Variants in CYP46A1 observed in about 807,000 individuals in gnomAD.
The protein encoded by CYP46A1 is cytochrome P450 family 46 subfamily A member 1, also known as cholesterol 24-hydroxylase.
CYP46A1 carries 20 observed loss-of-function variants against 63.3 expected under a neutral mutation model. That is an observed-to-expected ratio of 0.32 (90% CI 0.22 to 0.46). The LOEUF (loss-of-function observed/expected upper bound fraction) is 0.46. Ranked by LOEUF, CYP46A1 falls within the 20% of genes least tolerant of loss-of-function variation. The pLI, the probability that CYP46A1 is intolerant of heterozygous loss-of-function variation, is 1.00. For synonymous variants in CYP46A1, 268 were observed against 273.6 expected (o/e 0.98, Z 0.20); for missense variants, 445 against 670.8 (o/e 0.66, Z 3.72).
In CYP46A1 at chr14:99,726,945, C is replaced by A; in HGVS notation, c.*218C>A. ...TTCCTGGACTGGCCCTTGCCCAACTCCCAGCCACCACCACTGTCCCTACCA... is the reference window on the plus strand; with the variant it reads ...TTCCTGGACTGGCCCTTGCCCAACTACCAGCCACCACCACTGTCCCTACCA... On this transcript the variant is annotated 3_prime_UTR_variant, in exon 15 of 15. Transcript: ENST00000261835. 1 of 433,852 alleles carries A rather than the reference C, an allele frequency of 2.3e-6. No homozygotes were observed. The highest frequency in any genetic ancestry group is 5.8e-4 in the Middle Eastern group (1 of 1,722). 26.9% of individuals were successfully genotyped at this position (433,852 alleles called of 1,614,324 possible).
intron 7 of CYP46A1, among the ~76,000 whole-genome samples, chr14:99,713,611 G>C (rs946210097): frequency 6.6e-6 from 1 of 151,836 alleles, no homozygotes; most frequent in Non-Finnish European, 1.5e-5. Context: ...AGGCATGGTG[G>C]CTCATGCCCG....
chr14:99,690,693 G>A (rs146396635), intron 1 of CYP46A1, among the ~76,000 whole-genome samples: 2 of 152,180 alleles, frequency 1.3e-5, no homozygotes, highest in African/African-American at 2.4e-5. Context: ...TATATAATAC[G>A]GTTAATAACA....
intron 7 of CYP46A1, chr14:99,708,851 T>C (rs1157849408): frequency 6.6e-6 from 1 of 152,278 alleles, no homozygotes; most frequent in East Asian, 1.9e-4. Flanking sequence ...CCAGTGATGC[T>C]CAAGGACTGG....
Position 99,684,593 on chromosome 14 carries a change from C to T in CYP46A1, c.119+57C>T. 3 of 1,378,050 alleles carry T rather than the reference C, an allele frequency of 2.2e-6. No homozygotes were observed. The East Asian group carries it at 8.2e-5, about 38-fold the overall frequency. 85.4% of individuals were successfully genotyped at this position (1,378,050 alleles called of 1,614,324 possible). ...GGTGCTGGGACTGGGGGCCTGGGGACAGCGTCTAAGCCGGCGTCCAGGCCG... is the reference window on the plus strand; with the variant it reads ...GGTGCTGGGACTGGGGGCCTGGGGATAGCGTCTAAGCCGGCGTCCAGGCCG... On this transcript the variant is annotated intron_variant, in intron 1 of 14. Coordinates refer to ENST00000261835, the MANE Select transcript of CYP46A1 (RefSeq NM_006668.2).
In CYP46A1 at chr14:99,715,868, G is replaced by A; in HGVS notation, c.752G>A (p.Arg251His). 1.2e-6 allele frequency: 2 copies of A among 1,614,054 alleles called. No homozygotes were observed. Among genetic ancestry groups the A allele is most frequent in the Non-Finnish European group, 1.7e-6 (2 of 1,180,006 alleles). The change falls in exon 8 of 15, where the codon CGC becomes CAC. Residue 251 changes from arginine (R) to histidine (H), a missense_variant. Arg to His is a conservative substitution (Grantham distance 29). Coordinates refer to ENST00000261835, the MANE Select transcript of CYP46A1 (RefSeq NM_006668.2). ...REVRESIRFL[R>H]QVGRDWVQRR... ...GTCCGGGAGAGCATTCGCTTCCTGC[G>A]CCAGGTGGGCAGGGACTGGGTCCAG...
At chr14:99,709,839 A>C (rs1361936817) in intron 7 of CYP46A1, 1 of 152,204 alleles carries the variant, frequency 6.6e-6, no homozygotes, top group African/African-American at 2.4e-5. Flanking sequence ...ACAGCAAGAG[A>C]GAAGCATGAA....
chr14:99,692,645 C>T (rs1006989463), intron 3 of CYP46A1, among the ~76,000 whole-genome samples: 38 of 152,110 alleles, frequency 2.5e-4, no homozygotes, highest in African/African-American at 7.7e-4. Context: ...GCCTGGCCAA[C>T]ATGGTGAAAC....
Position 99,723,000 on chromosome 14 carries a change from T to A in CYP46A1, c.1176+934T>A, listed in dbSNP as rs143553924. On this transcript the variant is annotated intron_variant, in intron 12 of 14. Coordinates refer to ENST00000261835, the MANE Select transcript of CYP46A1 (RefSeq NM_006668.2). The surrounding 1 kb of genome is among the most constrained non-coding windows in gnomAD (Gnocchi z 4.6). ...ACGCCACATTGTTTTCCAAAGTGGC[T>A]GCACCAACTTGGATGCCCAGTAGTG... 4.8e-6 allele frequency: 2 copies of A among 416,764 alleles called. No homozygotes were observed. The highest frequency in any genetic ancestry group is 3.4e-4 in the Middle Eastern group (1 of 2,938). 25.8% of individuals were successfully genotyped at this position (416,764 alleles called of 1,614,324 possible).
rs1296064266 is a variant in CYP46A1 at position 99,690,146 on chromosome 14, G to C, written c.120-935G>C. 2.0e-5 allele frequency among the ~76,000 whole-genome samples: 3 copies of C among 152,224 alleles called. No homozygotes were observed. The East Asian group carries it at 5.8e-4, about 29-fold the overall frequency. ...TCTCATCTCACAAGCCACCCTCTTA[G>C]AGGGACACTGCGTGCCCTGCCTGCA... On this transcript the variant is annotated intron_variant, in intron 1 of 14. Transcript: ENST00000261835.
At chr14:99,721,138 C>T (rs1443230187) in intron 10 of CYP46A1, 101 bp from the exon 11 acceptor site, 8 of 795,426 alleles carry the variant, frequency 1.0e-5, no homozygotes, top group East Asian at 7.4e-5. Flanking sequence ...GAGCCCCATG[C>T]GTCTCTCTTC....
intron 7 of CYP46A1, among the ~76,000 whole-genome samples, chr14:99,715,013 G>A (rs563771809): frequency 1.3e-5 from 2 of 152,234 alleles, no homozygotes; most frequent in Non-Finnish European, 2.9e-5. Context: ...GATGAGTGGG[G>A]GGATGAAGAG....
At chr14:99,717,494 C>T (rs1413188644) in intron 9 of CYP46A1, among the ~76,000 whole-genome samples, 1 of 152,120 alleles carries the variant, frequency 6.6e-6, no homozygotes, top group African/African-American at 2.4e-5. Context: ...CCCACCTCCA[C>T]ACCCTAGGAG....
At position 99,715,872 on chromosome 14, in the gene CYP46A1, G is replaced by T; in HGVS notation, c.756G>T (p.Gln252His). 1.2e-6 allele frequency: 2 copies of T among 1,614,122 alleles called. No homozygotes were observed. ...GGGAGAGCATTCGCTTCCTGCGCCAGGTGGGCAGGGACTGGGTCCAGCGCC... is the reference window on the plus strand; with the variant it reads ...GGGAGAGCATTCGCTTCCTGCGCCATGTGGGCAGGGACTGGGTCCAGCGCC... ...EVRESIRFLR[Q>H]VGRDWVQRRR... The change falls in exon 8 of 15, where the codon CAG (glutamine) becomes CAT (histidine). Residue 252 changes from glutamine to histidine, a missense_variant. By Grantham distance (24) the Gln-to-His change is conservative. Transcript: ENST00000261835.
intron 5 of CYP46A1, among the ~76,000 whole-genome samples, chr14:99,705,732 C>G (rs1356661145): frequency 6.6e-6 from 1 of 152,158 alleles, no homozygotes; most frequent in Non-Finnish European, 1.5e-5. Flanking sequence ...TGAGACCAGC[C>G]TGGCCAACAT....
intron 2 of CYP46A1, chr14:99,691,530 AAAG>A (rs1383670341): frequency 1.6e-5 from 9 of 579,420 alleles, no homozygotes; most frequent in Admixed American, 6.2e-5. Context: ...TGGGACAATC[AAAG>A]AAGGAGTGTT....
intron 10 of CYP46A1, among the ~76,000 whole-genome samples, chr14:99,720,541 C>A (rs2056836767): frequency 6.9e-6 from 1 of 145,264 alleles, no homozygotes; most frequent in Admixed American, 7.2e-5. Flanking sequence ...TCACTGCAAA[C>A]TCCACCTCCC....
In CYP46A1 at chr14:99,708,056, C is replaced by T. The variant is rs1030341112; in HGVS notation, c.693+378C>T. On this transcript the variant is annotated intron_variant, in intron 7 of 14. Transcript: ENST00000261835. ...AAGGTGCACCCTGCCTGCCACTGCC[C>T]GTGCCCACATGGGGCCTGGGAACCA... is the stretch of plus-strand genomic sequence containing the variant. 2.0e-4 allele frequency: 54 copies of T among 272,422 alleles called. 1 individual carries two copies. The Admixed American group carries it at 2.4e-3, about 12-fold the overall frequency. The allele number at this position is 272,422 out of a possible 1,614,324, so 16.9% of individuals were successfully genotyped here. A position where few individuals can be genotyped will look rare whatever the true frequency, so the allele number is the denominator to read the frequency against.
intron 7 of CYP46A1, among the ~76,000 whole-genome samples, 169 bp from the exon 8 acceptor site, chr14:99,715,641 T>C (rs1035435806): frequency 4.0e-4 from 61 of 152,334 alleles, no homozygotes; most frequent in Non-Finnish European, 5.0e-4. Flanking sequence ...GGGCTCAGTC[T>C]GCCATCTTGA....
chr14:99,686,681 T>C (rs536986919), intron 1 of CYP46A1, among the ~76,000 whole-genome samples: 3 of 152,340 alleles, frequency 2.0e-5, no homozygotes, highest in Admixed American at 2.0e-4. Context: ...GTATCCTTAT[T>C]GCTTTCCTTC....
Sources: allele counts gnomAD v4.1 joint callset (sites outside exome capture counted in the v4.1 genomes callset), GRCh38; gene constraint gnomAD v4.1.1; non-coding constraint Gnocchi (gnomAD v3.1); transcripts MANE v1.5; gene names NCBI Gene and HGNC (gene_info 2026-07-23, HGNC 2026-07-21).